Variants in MUC7 observed in about 807,000 individuals in gnomAD.
The protein encoded by MUC7 is mucin 7, secreted.
MUC7 carries 2 observed loss-of-function variants against 2.5 expected under a neutral mutation model. The observed-to-expected ratio is 0.81, with a 90% confidence interval of 0.33 to 2.55. The LOEUF is 2.55. Ranked by LOEUF, MUC7 falls within the 30% of genes most tolerant of loss-of-function variation. The pLI is 0.11. For missense variants in MUC7, 408 were observed against 455.6 expected (o/e 0.90, Z 0.95); for synonymous variants, 133 against 173.4 (o/e 0.77, Z 1.83).
chr4:70,441,212 A>T (rs1202292044), intron 1 of MUC7, among the ~76,000 whole-genome samples: 1 of 152,156 alleles, frequency 6.6e-6, no homozygotes, highest in African/African-American at 2.4e-5. Context: ...AATATTACAT[A>T]TGTTGTCTAT....
chr4:70,475,293 G>T (rs1734964322), intron 2 of MUC7, among the ~76,000 whole-genome samples: 1 of 151,942 alleles, frequency 6.6e-6, no homozygotes, highest in Admixed American at 6.6e-5. Flanking sequence ...GAAAAAAAAA[G>T]AAAGAAATGA....
chr4:70,457,613 TA>T (rs1317381831), intron 1 of MUC7, among the ~76,000 whole-genome samples: 2 of 151,914 alleles, frequency 1.3e-5, no homozygotes, highest in Admixed American at 6.6e-5. Flanking sequence ...GGAACCCAAA[TA>T]AAAAATTTAG....
intron 2 of MUC7, among the ~76,000 whole-genome samples, chr4:70,478,056 CATA>C (rs36115921): frequency 0.26 from 39,638 of 151,802 alleles, 5,365 homozygotes; most frequent in East Asian, 0.38. Context: ...AACTGCCAAT[CATA>C]ATAACTAATC....
chr4:70,454,546 G>A (rs970651749), intron 1 of MUC7, among the ~76,000 whole-genome samples: 3 of 152,242 alleles, frequency 2.0e-5, no homozygotes, highest in Non-Finnish European at 2.9e-5. Context: ...GAAGGGTTGT[G>A]TCAGAGATTC....
At chr4:70,434,339 C>A (rs1490132186) in intron 1 of MUC7, among the ~76,000 whole-genome samples, 1 of 152,094 alleles carries the variant, frequency 6.6e-6, no homozygotes, top group Admixed American at 6.5e-5. Context: ...AGCTGTGAAT[C>A]CATCTGGTCC....
intron 1 of MUC7, among the ~76,000 whole-genome samples, chr4:70,445,334 C>T (rs1378253546): frequency 6.6e-6 from 1 of 152,166 alleles, no homozygotes; most frequent in African/African-American, 2.4e-5. Context: ...GTATATTAAA[C>T]AAAACTAATG....
intron 1 of MUC7, among the ~76,000 whole-genome samples, chr4:70,462,549 A>AT: frequency 6.6e-6 from 1 of 152,366 alleles, no homozygotes; most frequent in Non-Finnish European, 1.5e-5. Flanking sequence ...CATTTAAGAT[A>AT]TTAGAACTGA....
At chr4:70,442,843 T>C (rs1375356665) in intron 1 of MUC7, among the ~76,000 whole-genome samples, 2 of 152,176 alleles carry the variant, frequency 1.3e-5, no homozygotes, top group African/African-American at 4.8e-5. Context: ...AAATCTTTCT[T>C]CTCAAGGACC....
chr4:70,454,389 G>A (rs1404145423), intron 1 of MUC7, among the ~76,000 whole-genome samples: 2 of 152,184 alleles, frequency 1.3e-5, no homozygotes, highest in African/African-American at 2.4e-5. Context: ...GCAAGTATCA[G>A]CTGACTTAAG....
upstream of MUC7, among the ~76,000 whole-genome samples, chr4:70,468,846 G>C (rs1687707003): frequency 6.6e-6 from 1 of 152,098 alleles, no homozygotes; most frequent in Non-Finnish European, 1.5e-5. Flanking sequence ...GTAATTTATA[G>C]ATTCAATGCT....
At chr4:70,469,537 C>T (rs1237982381), upstream of MUC7, among the ~76,000 whole-genome samples, 2 of 152,144 alleles carry the variant, frequency 1.3e-5, no homozygotes, top group African/African-American at 4.8e-5. Context: ...CCAGAATCTA[C>T]AAGGAACTTA....
chr4:70,448,280 A>T (rs2109712570), intron 1 of MUC7, among the ~76,000 whole-genome samples: 1 of 152,152 alleles, frequency 6.6e-6, no homozygotes, highest in Admixed American at 6.5e-5. Flanking sequence ...TATATTAATT[A>T]CCTTTCTTTT....
At chr4:70,466,016 C>G (rs1734674893) in intron 1 of MUC7, among the ~76,000 whole-genome samples, 1 of 152,198 alleles carries the variant, frequency 6.6e-6, no homozygotes, top group Non-Finnish European at 1.5e-5. Context: ...AGGTTACCCA[C>G]AAAGGGAAGC....
At position 70,482,029 on chromosome 4, in the gene MUC7, AC is replaced by A; in HGVS notation, c.*153del. On this transcript the variant is annotated 3_prime_UTR_variant, in exon 3 of 3. Transcript: ENST00000304887. Reference sequence around the variant, plus strand: ...TAATCTTTCAATCTAATTATTCACCACCACAAGACCTATTAACAAGACAAAA... The same window carrying A: ...TAATCTTTCAATCTAATTATTCACCACACAAGACCTATTAACAAGACAAAA... 1.0e-6 allele frequency: 1 copy of A among 972,760 alleles called. No individual in the cohort carries two copies. Among genetic ancestry groups the A allele is most frequent in the Non-Finnish European group, 1.5e-6 (1 of 677,190 alleles). The allele number at this position is 972,760 out of a possible 1,614,324, so 60.3% of individuals were successfully genotyped here. A position where few individuals can be genotyped will look rare whatever the true frequency, so the allele number is the denominator to read the frequency against.
chr4:70,446,512 T>C (rs2109710739), intron 1 of MUC7, among the ~76,000 whole-genome samples: 1 of 152,348 alleles, frequency 6.6e-6, no homozygotes, highest in East Asian at 1.9e-4. Flanking sequence ...GACATTTTCC[T>C]GTATCTTCCT....
chr4:70,457,716 G>T (rs1734447769), intron 1 of MUC7, among the ~76,000 whole-genome samples: 1 of 151,956 alleles, frequency 6.6e-6, no homozygotes, highest in South Asian at 2.1e-4. Flanking sequence ...TAAGACAAAT[G>T]AAATAGACAA....
At position 70,482,019 on chromosome 4, in the gene MUC7, A is replaced by G; in HGVS notation, c.*141A>G. On this transcript the variant is annotated 3_prime_UTR_variant, in exon 3 of 3. Coordinates refer to ENST00000304887, the MANE Select transcript of MUC7 (RefSeq NM_152291.3). ...GCACTATCATTAATCTTTCAATCTAATTATTCACCACCACAAGACCTATTA... is the reference window on the plus strand; with the variant it reads ...GCACTATCATTAATCTTTCAATCTAGTTATTCACCACCACAAGACCTATTA... The G allele has an allele frequency of 9.5e-7, 1 of 1,052,748 alleles. No individual in the cohort carries two copies. The highest frequency in any genetic ancestry group is 1.7e-5 in the South Asian group (1 of 59,162). The allele number at this position is 1,052,748 out of a possible 1,614,324, so 65.2% of individuals were successfully genotyped here.
chr4:70,437,174 A>G (rs961072558), intron 1 of MUC7, among the ~76,000 whole-genome samples: 1 of 152,170 alleles, frequency 6.6e-6, no homozygotes, highest in African/African-American at 2.4e-5. Flanking sequence ...CCACTTGAGG[A>G]GGCAGTCTGT....
intron 1 of MUC7, among the ~76,000 whole-genome samples, chr4:70,452,606 C>A (rs935650980): frequency 6.6e-6 from 1 of 151,940 alleles, no homozygotes; most frequent in Non-Finnish European, 1.5e-5. Context: ...GCACTTTTAA[C>A]TTTTTGTCTC....
Sources: gnomAD v4.1 joint callset for allele counts (sites outside exome capture counted in the v4.1 genomes callset) on GRCh38, gnomAD v4.1.1 for gene constraint, MANE v1.5 for transcripts, NCBI Gene and HGNC (gene_info 2026-07-23, HGNC 2026-07-21) for gene names.